The following PARP11 variants were observed in gnomAD, a reference collection of about 807,000 sequenced individuals.
PARP11 encodes the protein protein mono-ADP-ribosyltransferase PARP11.
A neutral mutation model predicts 42.9 loss-of-function variants in PARP11; 31 were observed. That is an observed-to-expected ratio of 0.72 (90% CI 0.54 to 0.98). PARP11 has a LOEUF of 0.98. Ranked by LOEUF, PARP11 falls within the 50% of genes least tolerant of loss-of-function variation. PARP11 has a pLI of 0.00. For missense variants in PARP11, 365 were observed against 413.1 expected (o/e 0.88, Z 1.01); for synonymous variants, 137 against 127.3 (o/e 1.08, Z -0.51).
At chr12:3,844,506 G>A (rs1947960063) in intron 1 of PARP11, among the ~76,000 whole-genome samples, 3 of 152,178 alleles carry the variant, frequency 2.0e-5, no homozygotes, top group Non-Finnish European at 4.4e-5. Context: ...AAAGTTCAAT[G>A]TGTTTGATCT....
intron 1 of PARP11, among the ~76,000 whole-genome samples, chr12:3,850,337 T>G (rs974941214): frequency 6.6e-6 from 1 of 152,014 alleles, no homozygotes. Context: ...AAATCTGAAA[T>G]CAGAATTCCT....
chr12:3,863,401 A>G (rs999577341), intron 1 of PARP11, among the ~76,000 whole-genome samples: 1 of 152,216 alleles, frequency 6.6e-6, no homozygotes, highest in Admixed American at 6.5e-5. Flanking sequence ...CTGAATAAAG[A>G]ATGGACATCA....
At chr12:3,825,670 A>G (rs913686299) in intron 4 of PARP11, among the ~76,000 whole-genome samples, 10 of 152,230 alleles carry the variant, frequency 6.6e-5, no homozygotes, top group African/African-American at 2.4e-4. Flanking sequence ...CACTTAGAGT[A>G]AATAATAATG....
intron 6 of PARP11, among the ~76,000 whole-genome samples, chr12:3,820,194 T>G (rs181719216): frequency 6.6e-6 from 1 of 152,286 alleles, no homozygotes; most frequent in East Asian, 1.9e-4. Context: ...TGTCATAAAG[T>G]AGGTACTAAG....
rs1335090659 is a variant in PARP11, at chr12:3,840,508, T to G, written c.19-10490A>C. ...TTCTTCAGGGTCACAGTCTCAGAAA[T>G]TCTCCAGTGAGCACAAAAATCTTAG... On this transcript the variant is annotated intron_variant, in intron 1 of 7. Transcript: ENST00000228820. The surrounding 1 kb of genome is among the most constrained non-coding windows in gnomAD (Gnocchi z 4.4). The G allele has an allele frequency of 3.1e-6, 5 of 1,612,724 alleles. No homozygotes were observed. Among genetic ancestry groups the G allele is most frequent in the Non-Finnish European group, 4.2e-6 (5 of 1,178,814 alleles).
intron 7 of PARP11, among the ~76,000 whole-genome samples, chr12:3,813,216 T>C (rs1002977298): frequency 2.0e-5 from 3 of 152,226 alleles, no homozygotes; most frequent in African/African-American, 7.2e-5. Context: ...TGGAAACCGA[T>C]GGCCTACAGG....
intron 1 of PARP11, among the ~76,000 whole-genome samples, chr12:3,851,233 C>T (rs1344819850): frequency 1.3e-5 from 2 of 152,176 alleles, no homozygotes; most frequent in East Asian, 1.9e-4. Flanking sequence ...AACTGAGGTA[C>T]CTGGTTCATG....
At chr12:3,828,809 T>A in intron 3 of PARP11, 101 bp downstream of exon 3, 1 of 1,029,592 alleles carries the variant, frequency 9.7e-7, no homozygotes, top group Non-Finnish European at 1.4e-6. Context: ...AAGATATACT[T>A]CACTGTTTGC....
At chr12:3,826,419 T>C (rs1293632287) in intron 3 of PARP11, among the ~76,000 whole-genome samples, 186 bp from the exon 4 acceptor site, 1 of 152,232 alleles carries the variant, frequency 6.6e-6, no homozygotes, top group Non-Finnish European at 1.5e-5. Context: ...GGAGGTGTTA[T>C]TCAAGGAAGC....
At chr12:3,868,688 T>A (rs1305892845) in intron 1 of PARP11, among the ~76,000 whole-genome samples, 1 of 152,174 alleles carries the variant, frequency 6.6e-6, no homozygotes, top group Non-Finnish European at 1.5e-5. Context: ...CTTGAATTGA[T>A]CTCCTCTCTC....
rs1339871274 is a variant in PARP11, at chr12:3,851,028, T to A, written c.19-21010A>T. On this transcript the variant is annotated intron_variant, in intron 1 of 7. Transcript: ENST00000228820. Reference sequence around the variant, plus strand: ...AGAGAATCCATGCCACTTAATAGTATGCTGATCATGAAATAATCAAAGATC... The same window carrying A: ...AGAGAATCCATGCCACTTAATAGTAAGCTGATCATGAAATAATCAAAGATC... 2.6e-5 allele frequency among the ~76,000 whole-genome samples: 4 copies of A among 152,228 alleles called. No homozygotes were observed. In the East Asian group the frequency reaches 7.7e-4, roughly 29 times the overall value.
chr12:3,823,050 T>G (rs1947433745), intron 4 of PARP11, among the ~76,000 whole-genome samples: 1 of 152,084 alleles, frequency 6.6e-6, no homozygotes, highest in African/African-American at 2.4e-5. Context: ...AGAAAAACAG[T>G]GATGTTGAGG....
chr12:3,824,957 G>A (rs906458079), intron 4 of PARP11, among the ~76,000 whole-genome samples: 11 of 152,010 alleles, frequency 7.2e-5, no homozygotes, highest in African/African-American at 2.4e-4. Context: ...CTTTTATATC[G>A]TGATGCTAAA....
rs150884947 is a variant in PARP11 at position 3,834,704 on chromosome 12, G to C, written c.19-4686C>G. ...ATGAAAAACAATTAAGAAAGGCTAG[G>C]AGCTCCAATATAAGCAGAAAGGCAG... On this transcript the variant is annotated intron_variant, in intron 1 of 7. Coordinates refer to ENST00000228820, the MANE Select transcript of PARP11 (RefSeq NM_020367.6). Among the ~76,000 whole-genome samples the C allele has an allele frequency of 7.5e-4, 114 of 151,606 alleles. 2 individuals carry two copies. In the East Asian group the frequency reaches 0.016, roughly 21 times the overall value.
intron 1 of PARP11, among the ~76,000 whole-genome samples, chr12:3,851,484 T>C (rs1321086174): frequency 6.6e-6 from 1 of 152,206 alleles, no homozygotes; most frequent in Non-Finnish European, 1.5e-5. Flanking sequence ...GCGGGTCCCA[T>C]GCCCACAGAG....
At chr12:3,831,258 T>C (rs1591771725) in intron 1 of PARP11, among the ~76,000 whole-genome samples, 1 of 152,174 alleles carries the variant, frequency 6.6e-6, no homozygotes, top group East Asian at 1.9e-4. Flanking sequence ...TCTCTCTCTC[T>C]CTCACTCTGT....
chr12:3,833,629 C>T (rs2138053825), intron 1 of PARP11, among the ~76,000 whole-genome samples: 1 of 152,186 alleles, frequency 6.6e-6, no homozygotes, highest in South Asian at 2.1e-4. Flanking sequence ...AAATTAAAAA[C>T]TGCTGAAAAT....
At chr12:3,852,937 G>A (rs1312324348) in intron 1 of PARP11, among the ~76,000 whole-genome samples, 2 of 152,112 alleles carry the variant, frequency 1.3e-5, no homozygotes, top group Non-Finnish European at 2.9e-5. Context: ...TGGATCTCTC[G>A]GCAGAAACTC....
chr12:3,814,530 T>C (rs1043249561), intron 6 of PARP11, among the ~76,000 whole-genome samples: 8 of 152,156 alleles, frequency 5.3e-5, no homozygotes, highest in African/African-American at 1.7e-4. Context: ...AAACAAGTAA[T>C]ACAAAGTTTG....
Sources: gnomAD v4.1 joint callset for allele counts (sites outside exome capture counted in the v4.1 genomes callset) on GRCh38, gnomAD v4.1.1 for gene constraint, Gnocchi (gnomAD v3.1) non-coding constraint, MANE v1.5 for transcripts, NCBI Gene and HGNC (gene_info 2026-07-23, HGNC 2026-07-21) for gene names.